ARB2A: variants seen among roughly 807,000 people sequenced by gnomAD.
ARB2A encodes ARB2 cotranscriptional regulator A, also known as cotranscriptional regulator ARB2A.
chr5:93,737,908 C>T, the ARB2A span: 1 of 448,706 alleles, frequency 2.2e-6, no homozygotes, highest in African/African-American at 2.0e-5. Context: ...AGGAGCAAAT[C>T]TTCATGACTT....
the ARB2A span, among the ~76,000 whole-genome samples, chr5:93,853,492 A>G: frequency 6.6e-6 from 1 of 151,954 alleles, no homozygotes; most frequent in African/African-American, 2.4e-5. Flanking sequence ...TTCCAACACT[A>G]TGTTGAATAG....
chr5:93,942,683 A>C, the ARB2A span, among the ~76,000 whole-genome samples: 1 of 151,650 alleles, frequency 6.6e-6, no homozygotes, highest in Admixed American at 6.5e-5. Context: ...ATTAATTATA[A>C]AAGTAATATC....
the ARB2A span, among the ~76,000 whole-genome samples, chr5:93,817,990 A>C: frequency 1.3e-5 from 2 of 152,232 alleles, no homozygotes; most frequent in African/African-American, 4.8e-5. Context: ...ATGAAAAATC[A>C]AAAATAAAAA....
At chr5:94,004,998 C>CAAAAAAAAAAAAAAAAAAAAAAAAAAAAA in the ARB2A span, among the ~76,000 whole-genome samples, 1 of 12,552 alleles carries the variant, frequency 8.0e-5, no homozygotes, top group Non-Finnish European at 1.6e-4. Flanking sequence ...ATTTTATCAG[C>CAAAAAAAAAAAAAAAAAAAAAAAAAAAAA]AAAAAAAAAA....
the ARB2A span, among the ~76,000 whole-genome samples, chr5:93,953,812 A>G: frequency 6.6e-6 from 1 of 151,912 alleles, no homozygotes; most frequent in Admixed American, 6.6e-5. Flanking sequence ...CCAGTTTTCT[A>G]TTTTGCTGTG....
the ARB2A span, among the ~76,000 whole-genome samples, chr5:93,802,468 A>G: frequency 6.6e-6 from 1 of 152,210 alleles, no homozygotes; most frequent in African/African-American, 2.4e-5. Context: ...ACGATAAACA[A>G]TTGCTTAATT....
At chr5:93,979,650 T>C in the ARB2A span, among the ~76,000 whole-genome samples, 2 of 152,172 alleles carry the variant, frequency 1.3e-5, no homozygotes, top group Non-Finnish European at 1.5e-5. Flanking sequence ...ATGTCTTATA[T>C]ATCACATTAA....
the ARB2A span, among the ~76,000 whole-genome samples, chr5:93,833,770 A>T: frequency 6.6e-6 from 1 of 152,206 alleles, no homozygotes; most frequent in Non-Finnish European, 1.5e-5. Flanking sequence ...GTAATTACTG[A>T]TGTCTTCTTA....
the ARB2A span, among the ~76,000 whole-genome samples, chr5:93,917,393 A>G: frequency 6.6e-6 from 1 of 152,196 alleles, no homozygotes; most frequent in African/African-American, 2.4e-5. Context: ...AGGAGAAACT[A>G]GAAGCCAGAT....
At chr5:93,867,625 T>C in the ARB2A span, among the ~76,000 whole-genome samples, 1 of 151,890 alleles carries the variant, frequency 6.6e-6, no homozygotes, top group African/African-American at 2.4e-5. Context: ...ACCATGTTGG[T>C]CAGGATGGAC....
At chr5:93,639,929 C>A in the ARB2A span, among the ~76,000 whole-genome samples, 1 of 151,518 alleles carries the variant, frequency 6.6e-6, no homozygotes, top group African/African-American at 2.4e-5. Context: ...CCTGTAATCC[C>A]AGCTACTAGG....
At chr5:93,741,035 T>A in the ARB2A span, 2 of 1,613,768 alleles carry the variant, frequency 1.2e-6, no homozygotes, top group East Asian at 4.5e-5. Flanking sequence ...AGCTTCCACA[T>A]GTTGGCGACG....
At chr5:93,776,528 A>G in the ARB2A span, among the ~76,000 whole-genome samples, 1 of 152,234 alleles carries the variant, frequency 6.6e-6, no homozygotes, top group Non-Finnish European at 1.5e-5. Flanking sequence ...CTGAAATCCC[A>G]GCACTTTGGG....
At chr5:93,683,178 A>T in the ARB2A span, 1 of 1,322,456 alleles carries the variant, frequency 7.6e-7, no homozygotes, top group East Asian at 2.3e-5. Context: ...TCATCATCAA[A>T]ATCATCATCA....
the ARB2A span, among the ~76,000 whole-genome samples, chr5:93,907,191 C>A: frequency 6.6e-6 from 1 of 151,230 alleles, no homozygotes; most frequent in African/African-American, 2.4e-5. Flanking sequence ...CTGTATAAGT[C>A]CCTGCTGTGA....
the ARB2A span, among the ~76,000 whole-genome samples, chr5:93,631,896 A>C: frequency 6.6e-6 from 1 of 152,190 alleles, no homozygotes; most frequent in African/African-American, 2.4e-5. Context: ...AAAGCAAAAC[A>C]AAACAAATGT....
chr5:93,793,310 C>T, the ARB2A span, among the ~76,000 whole-genome samples: 1 of 121,816 alleles, frequency 8.2e-6, no homozygotes, highest in Non-Finnish European at 1.6e-5. Flanking sequence ...TCTTGAACTC[C>T]TGGCCTCAGG....
chr5:94,062,238 A>G, the ARB2A span, among the ~76,000 whole-genome samples: 1 of 152,176 alleles, frequency 6.6e-6, no homozygotes, highest in Non-Finnish European at 1.5e-5. Context: ...CTCAACCTAT[A>G]TCTCACATCT....
At chr5:93,824,191 AAC>A in the ARB2A span, 1 of 1,596,840 alleles carries the variant, frequency 6.3e-7, no homozygotes, top group Non-Finnish European at 8.5e-7. Context: ...AGCAACGAAA[AAC>A]ACATTCTCAG....
Sources: gnomAD v4.1 joint callset for allele counts (sites outside exome capture counted in the v4.1 genomes callset) on GRCh38, gnomAD v4.1.1 for gene constraint, MANE v1.5 for transcripts, NCBI Gene and HGNC (gene_info 2026-07-23, HGNC 2026-07-21) for gene names.